DOCK7: variants seen among roughly 807,000 people sequenced by gnomAD.
DOCK7 encodes the protein dedicator of cytokinesis 7.
A neutral mutation model predicts 271.0 loss-of-function variants in DOCK7; 138 were observed. The observed-to-expected ratio is 0.51, with a 90% CI of 0.44 to 0.59. The LOEUF (loss-of-function observed/expected upper bound fraction) is 0.59. Among genes scored for constraint, DOCK7 ranks in the 20% least tolerant of loss-of-function variants. The probability of loss-of-function intolerance (pLI) is 0.00; values close to 1 mark genes in which losing one functional copy is unlikely to be tolerated. For missense variants in DOCK7, 2,066 were observed against 2,592.4 expected (o/e 0.80, Z 4.41); for synonymous variants, 823 against 876.1 (o/e 0.94, Z 1.07).
chr1:62,526,440 G>C (rs1187435996), intron 31 of DOCK7, among the ~76,000 whole-genome samples: 2 of 151,744 alleles, frequency 1.3e-5, no homozygotes, highest in African/African-American at 4.8e-5. Context: ...AGGATTTGGA[G>C]AACAGAAATT....
At chr1:62,611,441 CTT>C (rs1651775945) in intron 14 of DOCK7, among the ~76,000 whole-genome samples, 1 of 152,130 alleles carries the variant, frequency 6.6e-6, no homozygotes. Context: ...ACGAGATCTT[CTT>C]TGAGTATCAT....
At chr1:62,678,246 G>A (rs964658269) in intron 1 of DOCK7, among the ~76,000 whole-genome samples, 2 of 152,124 alleles carry the variant, frequency 1.3e-5, no homozygotes, top group African/African-American at 4.8e-5. Flanking sequence ...ATAGTCTACA[G>A]AGCAAGATAA....
chr1:62,637,197 T>G (rs1436713398), intron 7 of DOCK7, among the ~76,000 whole-genome samples: 1 of 152,226 alleles, frequency 6.6e-6, no homozygotes, highest in African/African-American at 2.4e-5. Context: ...ATTTTCACGT[T>G]ATAAATATTA....
chr1:62,555,388 C>T (rs1480184401), intron 21 of DOCK7: 1 of 152,736 alleles, frequency 6.5e-6, no homozygotes, highest in Non-Finnish European at 1.5e-5. Context: ...AAGACAGGAT[C>T]TCACTCTGTT....
intron 31 of DOCK7, among the ~76,000 whole-genome samples, chr1:62,525,441 C>G (rs1355183909): frequency 1.3e-5 from 2 of 151,992 alleles, no homozygotes; most frequent in Non-Finnish European, 2.9e-5. Context: ...TTGTTTTTGA[C>G]CTGAGTGGTA....
intron 49 of DOCK7, among the ~76,000 whole-genome samples, chr1:62,455,792 G>A (rs1645330890): frequency 6.6e-6 from 1 of 152,110 alleles, no homozygotes; most frequent in Non-Finnish European, 1.5e-5. Context: ...AAAGGCAGGT[G>A]TTTATTAAAT....
intron 27 of DOCK7, among the ~76,000 whole-genome samples, chr1:62,538,291 G>A (rs570221032): frequency 6.6e-6 from 1 of 152,234 alleles, no homozygotes; most frequent in East Asian, 1.9e-4. Context: ...CCACATTCTT[G>A]TATTTCCAAT....
Position 62,475,791 on chromosome 1 carries a change from T to C in DOCK7, c.5877A>G (p.Glu1959=). 5.6e-6 allele frequency: 9 copies of C among 1,614,096 alleles called. No individual in the cohort carries two copies. The highest frequency in any genetic ancestry group is 7.6e-6 in the Non-Finnish European group (9 of 1,179,938). Residue 1959 remains glutamate (E), a synonymous_variant, in exon 46 of 50, where the codon GAA becomes GAG. Transcript: ENST00000635253. ...TCAGAATGGTCTTCCTTTTGAATTGTTCATGAAGTTCCCCATGGGCACGGC... is the reference window on the plus strand; with the variant it reads ...TCAGAATGGTCTTCCTTTTGAATTGCTCATGAAGTTCCCCATGGGCACGGC... The part of the protein sequence containing the change: ...LDGRAHGELH[E]QFKRKTILTT...
rs149835198 is a variant in DOCK7 at position 62,491,008 on chromosome 1, G to A, written c.5361+1696C>T. Among the ~76,000 whole-genome samples, 504 of 152,288 alleles carry A rather than the reference G, an allele frequency of 3.3e-3. 2 individuals are homozygous for A. The highest frequency in any genetic ancestry group is 0.011 in the African/African-American group (460 of 41,564). On this transcript the variant is annotated intron_variant, in intron 41 of 49. Coordinates refer to ENST00000635253, the MANE Select transcript of DOCK7 (RefSeq NM_001367561.1). ...CACTAGTACTTACTTGGAACGAGGC[G>A]CTGTGATAAGCACTTTAAATACATG...
chr1:62,542,711 G>C lies in DOCK7; in HGVS notation c.2950-8C>G. The C allele has an allele frequency of 6.2e-7, 1 of 1,610,948 alleles. No homozygotes were observed. The highest frequency in any genetic ancestry group is 8.5e-7 in the Non-Finnish European group (1 of 1,178,654). On this transcript the variant is annotated splice_region_variant and splice_polypyrimidine_tract_variant and intron_variant, in intron 24 of 49. Coordinates refer to ENST00000635253, the MANE Select transcript of DOCK7 (RefSeq NM_001367561.1). Reference sequence around the variant, plus strand: ...CAGCTCCTCGTGAAAAAGCTATCCAGAAGTAAATCCAAAGTTATTATCAAA... The same window carrying C: ...CAGCTCCTCGTGAAAAAGCTATCCACAAGTAAATCCAAAGTTATTATCAAA...
At chr1:62,459,166 A>C (rs1645438156) in intron 48 of DOCK7, 2 of 152,128 alleles carry the variant, frequency 1.3e-5, no homozygotes, top group African/African-American at 4.8e-5. Flanking sequence ...GAGGTCAAAT[A>C]TCCCCTACCA....
intron 11 of DOCK7, among the ~76,000 whole-genome samples, chr1:62,627,166 T>A (rs1454327310): frequency 6.6e-6 from 1 of 152,138 alleles, no homozygotes; most frequent in Non-Finnish European, 1.5e-5. Context: ...GAAAAAGTAT[T>A]TTACAAAATC....
intron 20 of DOCK7, among the ~76,000 whole-genome samples, chr1:62,558,566 C>T (rs1646222363): frequency 6.6e-6 from 1 of 152,034 alleles, no homozygotes; most frequent in Non-Finnish European, 1.5e-5. Context: ...AGAAGAGCTA[C>T]ATTAAGCGGA....
At chr1:62,618,172 G>C (rs1652695647) in intron 14 of DOCK7, among the ~76,000 whole-genome samples, 1 of 152,070 alleles carries the variant, frequency 6.6e-6, no homozygotes, top group Non-Finnish European at 1.5e-5. Context: ...GTAATGTTCA[G>C]TCTGAAAAGT....
At position 62,485,320 on chromosome 1, in the gene DOCK7, T is replaced by A. The variant is rs192606026; in HGVS notation, c.5508+2078A>T. The A allele has an allele frequency of 3.0e-6, 3 of 985,266 alleles. No homozygotes were observed. In the Admixed American group the frequency reaches 1.8e-4, roughly 61 times the overall value. The allele number at this position is 985,266 out of a possible 1,614,324, so 61.0% of individuals were successfully genotyped here. On this transcript the variant is annotated intron_variant, in intron 43 of 49. Transcript: ENST00000635253. ...TTGCATGGTAAAGACTTTACTGAAA[T>A]ACTAAGTTTTAGAGTTATCTTTCAC...
At chr1:62,502,906 G>A (rs994808278) in intron 37 of DOCK7, among the ~76,000 whole-genome samples, 2 of 152,094 alleles carry the variant, frequency 1.3e-5, no homozygotes, top group Admixed American at 6.5e-5. Context: ...TGTTGTATAT[G>A]AGAGGCACAT....
intron 15 of DOCK7, among the ~76,000 whole-genome samples, chr1:62,585,177 A>G (rs185597719): frequency 6.6e-6 from 1 of 152,298 alleles, no homozygotes; most frequent in Non-Finnish European, 1.5e-5. Context: ...ATATGCAATA[A>G]TCTGAAAAAA....
In DOCK7 at chr1:62,599,716, G is replaced by A. The variant is rs183732854; in HGVS notation, c.1683-13092C>T. ...TGTAATGTCATATTCACACAGAAGC[G>A]TGTGCTATGATTATTATTACTTGGA... On this transcript the variant is annotated intron_variant, in intron 14 of 49. Coordinates refer to ENST00000635253, the MANE Select transcript of DOCK7 (RefSeq NM_001367561.1). Among the ~76,000 whole-genome samples, 11 of 152,052 alleles carry A rather than the reference G, an allele frequency of 7.2e-5. No individual in the cohort carries two copies. In the East Asian group the frequency reaches 1.5e-3, roughly 21 times the overall value.
At chr1:62,471,065 G>C (rs1411851044) in intron 48 of DOCK7, among the ~76,000 whole-genome samples, 2 of 152,078 alleles carry the variant, frequency 1.3e-5, no homozygotes, top group Non-Finnish European at 2.9e-5. Flanking sequence ...ACTTAATGAA[G>C]AGTAAAATAT....
Sources: allele counts gnomAD v4.1 joint callset (sites outside exome capture counted in the v4.1 genomes callset), GRCh38; gene constraint gnomAD v4.1.1; transcripts MANE v1.5; gene names NCBI Gene and HGNC (gene_info 2026-07-23, HGNC 2026-07-21).